ADGRV1: variants seen among roughly 807,000 people sequenced by gnomAD.
The protein encoded by ADGRV1 is G-protein coupled receptor 98.
Under a neutral mutation model 596.2 loss-of-function variants are expected in ADGRV1, and 359 were observed. That is an observed-to-expected ratio of 0.60 (90% CI 0.55 to 0.66). The LOEUF (loss-of-function observed/expected upper bound fraction) is 0.66, where lower values mean the gene tolerates loss of function less well. ADGRV1 is among the 30% of genes least tolerant of loss of function. ADGRV1 has a pLI of 0.00. For missense variants in ADGRV1, 7,274 were observed against 7,575.6 expected (o/e 0.96, Z 1.48); for synonymous variants, 2,681 against 2,679.2 (o/e 1.00, Z -0.02).
At chr5:90,756,742 A>C (rs1401538015) in intron 56 of ADGRV1, 112 bp downstream of exon 56, 1 of 930,826 alleles carries the variant, frequency 1.1e-6, no homozygotes. Context: ...ATAAATAACC[A>C]AATTTGTCTT....
At chr5:90,943,240 G>A (rs1285476590) in intron 83 of ADGRV1, among the ~76,000 whole-genome samples, 1 of 136,358 alleles carries the variant, frequency 7.3e-6, no homozygotes, top group Admixed American at 7.4e-5. Flanking sequence ...TAAGGGGTGG[G>A]TGGGTGGGTT....
chr5:90,928,254 C>G (rs1191814196), intron 83 of ADGRV1, among the ~76,000 whole-genome samples: 3 of 152,130 alleles, frequency 2.0e-5, no homozygotes, highest in Non-Finnish European at 4.4e-5. Flanking sequence ...TTCTCCCCAT[C>G]ACTTTCAGGT....
At chr5:90,980,681 A>G (rs1405451724) in intron 84 of ADGRV1, among the ~76,000 whole-genome samples, 1 of 152,260 alleles carries the variant, frequency 6.6e-6, no homozygotes, top group African/African-American at 2.4e-5. Flanking sequence ...TTTAGTTAGC[A>G]TGAAGCATAT....
At chr5:90,630,286 A>C (rs1330271150) in intron 9 of ADGRV1, 1 of 152,230 alleles carries the variant, frequency 6.6e-6, no homozygotes, top group East Asian at 1.9e-4. Context: ...GGTGTAAGCC[A>C]CCACGCCTGG....
At position 90,763,305 on chromosome 5, in the gene ADGRV1, G is replaced by A. The variant is rs556771252; in HGVS notation, c.12121G>A (p.Val4041Ile). ...FGVFGFEEKT[V>I]MIDESLSSDD... The stretch of plus-strand genomic sequence containing the variant: ...GCCTTACTGAATTTTCTTCTTTCAG[G>A]TAATGATTGATGAATCCCTTTCATC... The change falls in exon 59 of 90, where the codon GTA becomes ATA. Residue 4041 changes from valine to isoleucine, a missense_variant and splice_region_variant. This residue lies in a region of ADGRV1 where 3,643 missense variants were observed against 3,809.2 expected (regional missense o/e 0.96). Transcript: ENST00000405460. The A allele has an allele frequency of 1.3e-6, 2 of 1,544,628 alleles. No homozygotes were observed. The highest frequency in any genetic ancestry group is 2.7e-5 in the African/African-American group (2 of 73,174).
intron 10 of ADGRV1, among the ~76,000 whole-genome samples, chr5:90,637,116 A>C (rs539565503): frequency 6.6e-6 from 1 of 152,230 alleles, no homozygotes; most frequent in African/African-American, 2.4e-5. Flanking sequence ...CTTGCCAAAT[A>C]GGGAATCATT....
intron 76 of ADGRV1, among the ~76,000 whole-genome samples, chr5:90,826,575 C>T (rs1287168958): frequency 6.6e-6 from 1 of 151,996 alleles, no homozygotes; most frequent in Non-Finnish European, 1.5e-5. Context: ...AAGTTCTTAG[C>T]ACAGCTCTCG....
chr5:90,656,820 G>C (rs908165162), intron 20 of ADGRV1, among the ~76,000 whole-genome samples: 1 of 152,104 alleles, frequency 6.6e-6, no homozygotes, highest in Non-Finnish European at 1.5e-5. Context: ...TGAGTTATTA[G>C]AGTACGAACA....
chr5:90,708,366 G>C (rs988078440), intron 38 of ADGRV1, among the ~76,000 whole-genome samples: 1 of 151,488 alleles, frequency 6.6e-6, no homozygotes, highest in Non-Finnish European at 1.5e-5. Context: ...AGTAGAATTG[G>C]GAGTTCTAAA....
chr5:91,117,723 CAA>C (rs1792974825), intron 87 of ADGRV1, among the ~76,000 whole-genome samples: 1 of 152,138 alleles, frequency 6.6e-6, no homozygotes, highest in African/African-American at 2.4e-5. Context: ...AATAGCAACT[CAA>C]GAGACACAAA....
At chr5:90,613,034 C>T (rs1762903259) in intron 1 of ADGRV1, among the ~76,000 whole-genome samples, 1 of 152,094 alleles carries the variant, frequency 6.6e-6, no homozygotes, top group East Asian at 1.9e-4. Context: ...CTGAGGTGAT[C>T]CTAATGCAGG....
At chr5:90,778,102 T>C in intron 62 of ADGRV1, 59 bp downstream of exon 62, 1 of 1,497,800 alleles carries the variant, frequency 6.7e-7, no homozygotes, top group Admixed American at 2.0e-5. Flanking sequence ...TGTGTGCACA[T>C]GTGTGAGCAT....
chr5:91,035,958 C>G (rs1784879040), intron 85 of ADGRV1, among the ~76,000 whole-genome samples: 1 of 145,704 alleles, frequency 6.9e-6, no homozygotes. Flanking sequence ...CACACAGAAT[C>G]TCAAGAACAA....
At chr5:90,824,666 G>C (rs1036264049) in intron 76 of ADGRV1, among the ~76,000 whole-genome samples, 1 of 152,072 alleles carries the variant, frequency 6.6e-6, no homozygotes, top group Non-Finnish European at 1.5e-5. Flanking sequence ...CTCACTTCAC[G>C]TCCTCAATAG....
rs144237509 is a variant in ADGRV1, at chr5:90,922,806, C to T, written c.17857-42609C>T. On this transcript the variant is annotated intron_variant, in intron 83 of 89. Coordinates refer to ENST00000405460, the MANE Select transcript of ADGRV1 (RefSeq NM_032119.4). ...TAACTAGTTCCCATACGATCTGGTA[C>T]GGCTGGTCCTCAGGCTTTAGAAATA... 3.1e-3 allele frequency among the ~76,000 whole-genome samples: 475 copies of T among 152,280 alleles called. 2 individuals are homozygous for T. Among genetic ancestry groups the T allele is most frequent in the Middle Eastern group, 6.8e-3 (2 of 294 alleles).
At chr5:90,679,661 A>T in intron 26 of ADGRV1, 32 bp downstream of exon 26, 1 of 1,469,560 alleles carries the variant, frequency 6.8e-7, no homozygotes, top group African/African-American at 1.4e-5. Flanking sequence ...CTTTACTATT[A>T]TAGGTTTTTA....
chr5:90,632,420 T>G (rs948153772), intron 9 of ADGRV1, among the ~76,000 whole-genome samples: 6 of 152,214 alleles, frequency 3.9e-5, no homozygotes, highest in African/African-American at 1.4e-4. Flanking sequence ...TTTCTCATAA[T>G]GCCTCAAAAC....
intron 36 of ADGRV1, 101 bp downstream of exon 36, chr5:90,704,589 T>TA (rs1250550994): frequency 8.9e-6 from 6 of 673,348 alleles, no homozygotes; most frequent in Non-Finnish European, 1.5e-5. Flanking sequence ...TACCAATTTT[T>TA]AAAATGTTAC....
Position 90,643,951 on chromosome 5 carries a change from T to C in ADGRV1, c.2702T>C (p.Ile901Thr), listed in dbSNP as rs1373083030. 1 of 1,611,230 alleles carries C rather than the reference T, an allele frequency of 6.2e-7. No individual in the cohort carries two copies. ...GTTTCTGATGGTCTAATTGTGATGA[T>C]AAATGAAAGCAAAGGAGATGCTATC... ...EFVSDGLIVM[I>T]NESKGDAIYS... Residue 901 changes from isoleucine to threonine, a missense_variant, in exon 14 of 90, where the codon ATA becomes ACA. Transcript: ENST00000405460.
Sources: gnomAD v4.1 joint callset for allele counts (sites outside exome capture counted in the v4.1 genomes callset) on GRCh38, gnomAD v4.1.1 for gene constraint, gnomAD v4.1.1 regional missense constraint, MANE v1.5 for transcripts, NCBI Gene and HGNC (gene_info 2026-07-23, HGNC 2026-07-21) for gene names.